WDR43: variants seen among roughly 807,000 people sequenced by gnomAD.
WDR43 encodes the protein WD repeat-containing protein 43.
WDR43 carries 13 observed loss-of-function variants against 91.4 expected under a neutral mutation model. The ratio of observed to expected loss-of-function variants is 0.14; its 90% CI spans 0.09 to 0.23. The LOEUF (loss-of-function observed/expected upper bound fraction) is 0.23. Ranked by LOEUF, WDR43 falls within the 10% of genes least tolerant of loss-of-function variation. WDR43 has a pLI of 1.00. For missense variants in WDR43, 780 were observed against 809.4 expected, an observed-to-expected ratio of 0.96 and a Z score of 0.44; for synonymous variants, 331 against 287.9, an observed-to-expected ratio of 1.15 and a Z score of -1.51.
At chr2:28,942,510 G>A (rs982454770) in intron 16 of WDR43, 129 bp downstream of exon 16, 8 of 969,798 alleles carry the variant, frequency 8.2e-6, no homozygotes, top group Non-Finnish European at 9.2e-6. Flanking sequence ...ATTAAAATAG[G>A]CAAGTCCGTG....
intron 1 of WDR43, among the ~76,000 whole-genome samples, chr2:28,898,393 T>A (rs1670519654): frequency 6.6e-6 from 1 of 152,204 alleles, no homozygotes; most frequent in Non-Finnish European, 1.5e-5. Context: ...TTAAACTTCC[T>A]AAGAAGTAAA....
At chr2:28,922,160 CTCT>C (rs1671042408) in intron 6 of WDR43, among the ~76,000 whole-genome samples, 1 of 152,152 alleles carries the variant, frequency 6.6e-6, no homozygotes, top group Admixed American at 6.5e-5. Flanking sequence ...AAAAGTTAGT[CTCT>C]TTTTTCTAGT....
intron 5 of WDR43, among the ~76,000 whole-genome samples, chr2:28,917,532 A>C (rs867744788): frequency 4.6e-5 from 7 of 152,250 alleles, no homozygotes; most frequent in Admixed American, 1.3e-4. Flanking sequence ...TTGAAAAAGA[A>C]GAAAATCATT....
At position 28,941,434 on chromosome 2, in the gene WDR43, G is replaced by A. The variant is rs755356604; in HGVS notation, c.1621-27G>A. The A allele has an allele frequency of 1.9e-6, 3 of 1,564,338 alleles. No individual in the cohort carries two copies. The East Asian group carries it at 6.8e-5, about 35-fold the overall frequency. ...GTTCGTCATCTCTAATACGTTAATA[G>A]TGCCAAATGATCATTTTTTTCTCTA... On this transcript the variant is annotated intron_variant, in intron 14 of 17. Transcript: ENST00000407426.
intron 13 of WDR43, 40 bp downstream of exon 13, chr2:28,936,993 C>T: frequency 6.5e-7 from 1 of 1,540,512 alleles, no homozygotes; most frequent in Non-Finnish European, 8.8e-7. Context: ...TGTTGTCTGA[C>T]AGCATGAAAT....
chr2:28,917,550 T>A (rs1193435947), intron 5 of WDR43, among the ~76,000 whole-genome samples: 1 of 151,882 alleles, frequency 6.6e-6, no homozygotes, highest in Non-Finnish European at 1.5e-5. Flanking sequence ...ATTGGAAGAC[T>A]AAGATTGATT....
chr2:28,946,207 G>A (rs543774598), intron 16 of WDR43, among the ~76,000 whole-genome samples: 2 of 152,070 alleles, frequency 1.3e-5, no homozygotes, highest in East Asian at 1.9e-4. Context: ...TACTCAGGAG[G>A]CTGAGGCAGG....
At chr2:28,916,647 A>G (rs530231258) in intron 5 of WDR43, among the ~76,000 whole-genome samples, 18 of 152,236 alleles carry the variant, frequency 1.2e-4, no homozygotes, top group Admixed American at 7.2e-4. Context: ...CCCTGCACCC[A>G]CACGCTTATC....
intron 9 of WDR43, 37 bp downstream of exon 9, chr2:28,926,591 A>G (rs2148191954): frequency 6.6e-7 from 1 of 1,508,952 alleles, no homozygotes; most frequent in Non-Finnish European, 9.0e-7. Context: ...TAAGAAAAAG[A>G]ATATTTCTTT....
Position 28,917,820 on chromosome 2 carries a change from C to T in WDR43, c.747-73C>T. The stretch of plus-strand genomic sequence containing the variant: ...ATCTCATGTGCTGATCTCCATGCCT[C>T]CTTAGGTGTTTGCCTTTTTAGGAAG... On this transcript the variant is annotated intron_variant, in intron 5 of 17. Coordinates refer to ENST00000407426, the MANE Select transcript of WDR43 (RefSeq NM_015131.3). 4.5e-6 allele frequency: 6 copies of T among 1,322,284 alleles called. No homozygotes were observed. The South Asian group carries it at 7.9e-5, about 17-fold the overall frequency. 81.9% of individuals were successfully genotyped at this position (1,322,284 alleles called of 1,614,324 possible). A position where few individuals can be genotyped will look rare whatever the true frequency, so the allele number is the denominator to read the frequency against.
rs1671436904 is a variant in WDR43, at chr2:28,941,511, C to G, written c.1671C>G (p.Ser557Arg). ...GGACACTCTACCAGTTAATGGAAAG[C>G]AGAGTCAAAACTTTTCAGAAACTTT... is the stretch of plus-strand genomic sequence containing the variant. ...QLGTLYQLME[S>R]RVKTFQKLSH... The change falls in exon 15 of 18, where the codon AGC becomes AGG. Residue 557 changes from serine to arginine, a missense_variant. Transcript: ENST00000407426. 6.2e-7 allele frequency: 1 copy of G among 1,613,596 alleles called. No individual in the cohort carries two copies. Among genetic ancestry groups the G allele is most frequent in the African/African-American group, 1.3e-5 (1 of 74,936 alleles).
chr2:28,914,065 C>G lies in WDR43; in HGVS notation c.607-4C>G. The G allele has an allele frequency of 1.2e-6, 2 of 1,612,750 alleles. No homozygotes were observed. The highest frequency in any genetic ancestry group is 1.7e-6 in the Non-Finnish European group (2 of 1,179,510). On this transcript the variant is annotated splice_region_variant and splice_polypyrimidine_tract_variant and intron_variant, in intron 4 of 17. Coordinates refer to ENST00000407426, the MANE Select transcript of WDR43 (RefSeq NM_015131.3). Reference sequence around the variant, plus strand: ...TCTCCTAACTGAGATTTAACTTTCTCTAGCATTTCACAGGACATGCAACGC... The same window carrying G: ...TCTCCTAACTGAGATTTAACTTTCTGTAGCATTTCACAGGACATGCAACGC...
chr2:28,943,493 T>A (rs1671486936), intron 16 of WDR43, among the ~76,000 whole-genome samples: 2 of 152,298 alleles, frequency 1.3e-5, no homozygotes, highest in South Asian at 4.1e-4. Flanking sequence ...ATAATCTTGA[T>A]AACAAAACCT....
intron 3 of WDR43, 84 bp downstream of exon 3, chr2:28,906,665 A>G: frequency 2.1e-6 from 3 of 1,436,854 alleles, no homozygotes; most frequent in South Asian, 1.5e-5. Context: ...TAATAAGGTT[A>G]TAGGTTCCAT....
At chr2:28,910,372 C>T (rs952408082) in intron 3 of WDR43, among the ~76,000 whole-genome samples, 3 of 151,958 alleles carry the variant, frequency 2.0e-5, no homozygotes, top group South Asian at 2.1e-4. Context: ...CTGTGGGAAT[C>T]GATAAATTGG....
chr2:28,910,694 T>TATATATATATATATATATAC (rs1001847583), intron 3 of WDR43, among the ~76,000 whole-genome samples: 1 of 148,312 alleles, frequency 6.7e-6, no homozygotes, highest in Non-Finnish European at 1.5e-5. Flanking sequence ...TATATATATA[T>TATATATATATATATATATAC]AATTATTATT....
At chr2:28,917,163 A>G (rs1038192172) in intron 5 of WDR43, among the ~76,000 whole-genome samples, 2 of 152,242 alleles carry the variant, frequency 1.3e-5, no homozygotes, top group African/African-American at 2.4e-5. Flanking sequence ...ACGGGAAGGC[A>G]GAATGTAGCT....
intron 1 of WDR43, among the ~76,000 whole-genome samples, chr2:28,900,348 T>A (rs1186317076): frequency 1.3e-5 from 2 of 151,714 alleles, no homozygotes; most frequent in Non-Finnish European, 2.9e-5. Flanking sequence ...GCCCGGCTAA[T>A]TTTTTTTGTA....
Position 28,946,870 on chromosome 2 carries a change from G to A in WDR43, c.*91G>A, listed in dbSNP as rs1020494876. The A allele has an allele frequency of 7.8e-6, 11 of 1,404,692 alleles. No homozygotes were observed. The highest frequency in any genetic ancestry group is 5.8e-5 in the African/African-American group (4 of 69,038). 87.0% of individuals were successfully genotyped at this position (1,404,692 alleles called of 1,614,324 possible). ...CCTCTGTGCCAGGATGCCAAGGACC[G>A]CTGCACATTTCCAAATTCACAGCAG... On this transcript the variant is annotated 3_prime_UTR_variant, in exon 18 of 18. Transcript: ENST00000407426.
Sources: allele counts gnomAD v4.1 joint callset (sites outside exome capture counted in the v4.1 genomes callset), GRCh38; gene constraint gnomAD v4.1.1; transcripts MANE v1.5; gene names NCBI Gene and HGNC (gene_info 2026-07-23, HGNC 2026-07-21).